Variants in TOPAZ1 observed in about 807,000 individuals in gnomAD.
TOPAZ1 encodes testis and ovary specific TOPAZ 1.
Under a neutral mutation model 172.2 loss-of-function variants are expected in TOPAZ1, and 66 were observed. The ratio of observed to expected loss-of-function variants is 0.38; its 90% CI spans 0.31 to 0.47. The LOEUF is 0.47. TOPAZ1 is among the 20% of genes least tolerant of loss of function. The probability of loss-of-function intolerance (pLI) is 0.99; values close to 1 mark genes in which losing one functional copy is unlikely to be tolerated. For synonymous variants in TOPAZ1, 681 were observed against 683.9 expected, an observed-to-expected ratio of 1.00 and a Z score of 0.07; for missense variants, 1,822 against 1,972.4, an observed-to-expected ratio of 0.92 and a Z score of 1.44.
At chr3:44,302,256 A>G (rs1295834347) in intron 12 of TOPAZ1, among the ~76,000 whole-genome samples, 7 of 152,002 alleles carry the variant, frequency 4.6e-5, no homozygotes, top group Admixed American at 3.9e-4. Flanking sequence ...TAAAAATACA[A>G]AAAACTAGCC....
chr3:44,306,415 C>T lies in TOPAZ1; in HGVS notation c.4129C>T (p.Gln1377Ter). ...TATGTACTTCTATCACAAGCTGTTG[C>T]AGTGGTCCAAGGTACTTCATTAAGT... ...SAMYFYHKLL[Q>*]WSKGRKVLEK... is the part of the protein sequence containing the mutation. The change falls in exon 15 of 20, where the codon CAG becomes TAG. Residue 1377 changes from glutamine (Q) to a stop codon, truncating the protein, a stop_gained. Coordinates refer to ENST00000309765, the MANE Select transcript of TOPAZ1 (RefSeq NM_001145030.2). LOFTEE classifies it high-confidence loss of function. The T allele has an allele frequency of 1.3e-6, 2 of 1,539,708 alleles. No individual in the cohort carries two copies. Among genetic ancestry groups the T allele is most frequent in the Non-Finnish European group, 1.8e-6 (2 of 1,138,096 alleles).
Position 44,309,684 on chromosome 3 carries a change from G to T in TOPAZ1, c.4141-141G>T, listed in dbSNP as rs1054785109. On this transcript the variant is annotated intron_variant, in intron 15 of 19. Coordinates refer to ENST00000309765, the MANE Select transcript of TOPAZ1 (RefSeq NM_001145030.2). ...ATGGCTGAACAGGAAGGGGCTTAAG[G>T]AAAGAGTCTTGGAGCAGCTTAACAG... 10 of 636,030 alleles carry T rather than the reference G, an allele frequency of 1.6e-5. No homozygotes were observed. In the African/African-American group the frequency reaches 1.8e-4, roughly 12 times the overall value. The allele number at this position is 636,030 out of a possible 1,614,324, so 39.4% of individuals were successfully genotyped here. A position where few individuals can be genotyped will look rare whatever the true frequency, so the allele number is the denominator to read the frequency against.
Position 44,323,102 on chromosome 3 carries a change from A to G in TOPAZ1, c.4482A>G (p.Glu1494=). The change falls in exon 18 of 20, where the codon GAA becomes GAG. Residue 1494 remains glutamate (E), a synonymous_variant. Transcript: ENST00000309765. ...TTTTTTTTATTCCAGAAACTGTGGA[A>G]GTCTCACAATATAGCCTTCTTTTTA... ...PGFQNSQETV[E]VSQYSLLFNK... 6.6e-7 allele frequency: 1 copy of G among 1,522,558 alleles called. No homozygotes were observed. Among genetic ancestry groups the G allele is most frequent in the Non-Finnish European group, 8.8e-7 (1 of 1,135,608 alleles). The allele number at this position is 1,522,558 out of a possible 1,614,324, so 94.3% of individuals were successfully genotyped here. A position where few individuals can be genotyped will look rare whatever the true frequency, so the allele number is the denominator to read the frequency against.
In TOPAZ1 at chr3:44,244,015, T is replaced by C. The variant is rs1488882692; in HGVS notation, c.1509T>C (p.Ser503=). The change falls in exon 2 of 20, where the codon TCT becomes TCC. Residue 503 remains serine (S), a synonymous_variant. Transcript: ENST00000309765. The part of the protein sequence containing the change: ...TWPYYSCARI[S]AWCWKKASLP... Reference sequence around the variant, plus strand: ...CCTATTATTCATGTGCTAGAATATCTGCCTGGTGTTGGAAAAAGGCTTCCT... The same window carrying C: ...CCTATTATTCATGTGCTAGAATATCCGCCTGGTGTTGGAAAAAGGCTTCCT... 29 of 1,551,998 alleles carry C rather than the reference T, an allele frequency of 1.9e-5. No individual in the cohort carries two copies. Among genetic ancestry groups the C allele is most frequent in the Non-Finnish European group, 2.4e-5 (28 of 1,147,070 alleles).
intron 6 of TOPAZ1, among the ~76,000 whole-genome samples, chr3:44,268,758 C>T (rs938316428): frequency 6.6e-6 from 1 of 152,066 alleles, no homozygotes; most frequent in Non-Finnish European, 1.5e-5. Context: ...ACCTGATTAA[C>T]TTCTATAAAC....
At chr3:44,248,880 A>G (rs1416915170) in intron 2 of TOPAZ1, among the ~76,000 whole-genome samples, 1 of 152,190 alleles carries the variant, frequency 6.6e-6, no homozygotes, top group Non-Finnish European at 1.5e-5. Context: ...CTCAGACCAG[A>G]TTGGGGAGAA....
chr3:44,263,289 A>C (rs1699794869), intron 5 of TOPAZ1, among the ~76,000 whole-genome samples: 1 of 152,200 alleles, frequency 6.6e-6, no homozygotes, highest in Non-Finnish European at 1.5e-5. Flanking sequence ...AATAAGATTA[A>C]CTTTTTTTTC....
chr3:44,254,817 G>C (rs915327252), intron 2 of TOPAZ1, 151 bp from the exon 3 acceptor site: 1 of 492,726 alleles, frequency 2.0e-6, no homozygotes, highest in Admixed American at 3.4e-5. Flanking sequence ...GGTGCACTGG[G>C]TTCTGTGTCT....
intron 16 of TOPAZ1, among the ~76,000 whole-genome samples, chr3:44,318,698 C>A (rs73829628): frequency 0.35 from 52,658 of 150,266 alleles, 10,082 homozygotes; most frequent in African/African-American, 0.47. Context: ...ATGGCCAGGC[C>A]CCCTCTCCCA....
chr3:44,322,220 G>A (rs1246826411), intron 17 of TOPAZ1, among the ~76,000 whole-genome samples: 1 of 152,000 alleles, frequency 6.6e-6, no homozygotes, highest in Non-Finnish European at 1.5e-5. Flanking sequence ...CTGAATATAG[G>A]GAATAAAAGA....
chr3:44,275,244 C>T (rs1034908304), intron 8 of TOPAZ1, among the ~76,000 whole-genome samples: 1 of 151,968 alleles, frequency 6.6e-6, no homozygotes, highest in Non-Finnish European at 1.5e-5. Context: ...TTGAAATACA[C>T]AATACATTGT....
chr3:44,261,747 G>A (rs919852974), intron 4 of TOPAZ1, among the ~76,000 whole-genome samples: 4 of 152,190 alleles, frequency 2.6e-5, no homozygotes, highest in Non-Finnish European at 4.4e-5. Flanking sequence ...ACTCTGGGCA[G>A]TATGGCCATT....
At chr3:44,285,357 T>C (rs1351920129) in intron 9 of TOPAZ1, among the ~76,000 whole-genome samples, 3 of 151,814 alleles carry the variant, frequency 2.0e-5, no homozygotes, top group African/African-American at 2.4e-5. Context: ...TCCCAACTGC[T>C]TGGGAGGCTG....
chr3:44,323,190 T>C lies in TOPAZ1; in HGVS notation c.4570T>C (p.Phe1524Leu). The C allele has an allele frequency of 6.4e-7, 1 of 1,550,474 alleles. No individual in the cohort carries two copies. The highest frequency in any genetic ancestry group is 8.7e-7 in the Non-Finnish European group (1 of 1,146,056). ...SLGMSSSVAE[F>L]MISKSIPIDF... Reference sequence around the variant, plus strand: ...TGGTATGTCATCCTCTGTGGCAGAATTCATGATTTCAAAGAGCATCCCTAT... The same window carrying C: ...TGGTATGTCATCCTCTGTGGCAGAACTCATGATTTCAAAGAGCATCCCTAT... The change falls in exon 18 of 20, where the codon TTC (phenylalanine) becomes CTC (leucine). Residue 1524 changes from phenylalanine (F) to leucine (L), a missense_variant. Phe to Leu is a conservative substitution (Grantham distance 22). Coordinates refer to ENST00000309765, the MANE Select transcript of TOPAZ1 (RefSeq NM_001145030.2).
Position 44,287,492 on chromosome 3 carries a change from G to A in TOPAZ1, c.3540G>A (p.Leu1180=). ...LLNSLLKHCL[L]KEVFQIVNLS... ...ATTCTTTACTCAAACATTGTTTGTT[G>A]AAAGAAGTATTTCAGATAGTGAACC... Residue 1180 remains leucine, a synonymous_variant, in exon 10 of 20, where the codon TTG becomes TTA. Coordinates refer to ENST00000309765, the MANE Select transcript of TOPAZ1 (RefSeq NM_001145030.2). The A allele has an allele frequency of 6.5e-7, 1 of 1,528,864 alleles. No homozygotes were observed. Among genetic ancestry groups the A allele is most frequent in the Non-Finnish European group, 8.8e-7 (1 of 1,136,874 alleles). The allele number at this position is 1,528,864 out of a possible 1,614,324, so 94.7% of individuals were successfully genotyped here. A position where few individuals can be genotyped will look rare whatever the true frequency, so the allele number is the denominator to read the frequency against.
chr3:44,243,585 T>G lies in TOPAZ1; in HGVS notation c.1079T>G (p.Leu360Trp). The part of the protein sequence containing the change: ...SNEYNKSELM[L>W]QENQMIADGK... ...GAGTATAACAAGTCTGAGTTGATGT[T>G]GCAAGAAAATCAAATGATTGCTGAT... Residue 360 changes from leucine (L) to tryptophan (W), a missense_variant, in exon 2 of 20, where the codon TTG becomes TGG. Leu to Trp is a moderately conservative substitution (Grantham distance 61, BLOSUM62 -2). This residue lies in a region of TOPAZ1 where 1,489 missense variants were observed against 1,490.8 expected (regional missense o/e 1.00). Transcript: ENST00000309765. 1 of 1,550,906 alleles carries G rather than the reference T, an allele frequency of 6.4e-7. No homozygotes were observed. Among genetic ancestry groups the G allele is most frequent in the Non-Finnish European group, 8.7e-7 (1 of 1,146,964 alleles).
At chr3:44,291,316 A>C (rs1700134937) in intron 12 of TOPAZ1, among the ~76,000 whole-genome samples, 1 of 151,852 alleles carries the variant, frequency 6.6e-6, no homozygotes, top group South Asian at 2.1e-4. Context: ...TTTAAAAAAA[A>C]AAAAAGCCAG....
intron 12 of TOPAZ1, among the ~76,000 whole-genome samples, chr3:44,292,547 A>G (rs982426587): frequency 8.8e-6 from 1 of 113,948 alleles, no homozygotes; most frequent in Non-Finnish European, 1.9e-5. Context: ...AGAGAATAGC[A>G]GTATCTGGTG....
intron 12 of TOPAZ1, among the ~76,000 whole-genome samples, chr3:44,292,665 G>A (rs1410915259): frequency 6.6e-6 from 1 of 152,118 alleles, no homozygotes; most frequent in African/African-American, 2.4e-5. Context: ...TTTTATTGAT[G>A]TGTAATAGTT....
Sources: gnomAD v4.1 joint callset for allele counts (sites outside exome capture counted in the v4.1 genomes callset) on GRCh38, gnomAD v4.1.1 for gene constraint, gnomAD v4.1.1 regional missense constraint, MANE v1.5 for transcripts, NCBI Gene and HGNC (gene_info 2026-07-23, HGNC 2026-07-21) for gene names.